RIN2: variants seen among roughly 807,000 people sequenced by gnomAD.
RIN2 encodes Ras and Rab interactor 2.
A neutral mutation model predicts 78.0 loss-of-function variants in RIN2; 36 were observed. That is an observed-to-expected ratio of 0.46 (90% confidence interval 0.35 to 0.61). The LOEUF is 0.61. RIN2 is among the 20% of genes least tolerant of loss of function. The probability of loss-of-function intolerance (pLI) is 0.00; values close to 1 mark genes in which losing one functional copy is unlikely to be tolerated. For synonymous variants in RIN2, 466 were observed against 466.8 expected (o/e 1.00, Z 0.02); for missense variants, 1,087 against 1,159.7 (o/e 0.94, Z 0.91).
intron 3 of RIN2, among the ~76,000 whole-genome samples, chr20:19,907,896 G>C (rs762315213): frequency 1.3e-5 from 2 of 152,216 alleles, no homozygotes; most frequent in Non-Finnish European, 2.9e-5. Flanking sequence ...TTCCTCATCT[G>C]TAAGGTGGGA....
At chr20:19,795,456 C>T (rs77940595) in intron 1 of RIN2, among the ~76,000 whole-genome samples, 2,781 of 152,142 alleles carry the variant, frequency 0.018, 85 homozygotes, top group East Asian at 0.12. Context: ...CCCTCAGGTC[C>T]TCAGAAAATT....
intron 1 of RIN2, among the ~76,000 whole-genome samples, chr20:19,789,324 T>C (rs2034812120): frequency 6.6e-6 from 1 of 152,170 alleles, no homozygotes; most frequent in Non-Finnish European, 1.5e-5. Context: ...CTAGAAAAAA[T>C]ACAAGAGAAA....
At chr20:19,887,052 G>T (rs1157854680) in intron 2 of RIN2, among the ~76,000 whole-genome samples, 1 of 151,590 alleles carries the variant, frequency 6.6e-6, no homozygotes, top group African/African-American at 2.4e-5. Context: ...TCGAGACAGA[G>T]TGTTACTCTG....
intron 1 of RIN2, among the ~76,000 whole-genome samples, chr20:19,760,240 G>A (rs553508793): frequency 1.3e-5 from 2 of 152,320 alleles, no homozygotes; most frequent in East Asian, 3.9e-4. Context: ...TTGGAACTTG[G>A]GAAGAAGGCT....
intron 2 of RIN2, among the ~76,000 whole-genome samples, chr20:19,840,076 T>C (rs1405040533): frequency 1.3e-5 from 2 of 151,966 alleles, no homozygotes; most frequent in Non-Finnish European, 2.9e-5. Flanking sequence ...TTTGATATTC[T>C]TCTTCCAGCT....
chr20:19,848,446 G>A (rs2123156435), intron 2 of RIN2, among the ~76,000 whole-genome samples: 1 of 147,610 alleles, frequency 6.8e-6, no homozygotes, highest in East Asian at 2.0e-4. Context: ...TGAGGCAGGA[G>A]AATCACTTGA....
chr20:19,940,263 G>T (rs886695530), intron 4 of RIN2, among the ~76,000 whole-genome samples: 2 of 152,200 alleles, frequency 1.3e-5, no homozygotes, highest in Admixed American at 1.3e-4. Context: ...CTGGCATAGA[G>T]CACGCACTCG....
intron 3 of RIN2, among the ~76,000 whole-genome samples, chr20:19,933,868 G>A (rs1479615071): frequency 6.6e-6 from 1 of 152,132 alleles, no homozygotes; most frequent in Non-Finnish European, 1.5e-5. Context: ...GAGTGCAGTG[G>A]CATGATCTTG....
At chr20:19,890,209 G>A (rs1327940508) in intron 3 of RIN2, among the ~76,000 whole-genome samples, 2 of 152,090 alleles carry the variant, frequency 1.3e-5, no homozygotes, top group African/African-American at 2.4e-5. Flanking sequence ...ACTCTTCTGT[G>A]TTCATATTGA....
chr20:19,876,957 C>T (rs6046397), intron 2 of RIN2, among the ~76,000 whole-genome samples: 1 of 151,764 alleles, frequency 6.6e-6, no homozygotes, highest in Non-Finnish European at 1.5e-5. Context: ...ACCAAGTGTA[C>T]TGGGGCATTC....
intron 2 of RIN2, among the ~76,000 whole-genome samples, chr20:19,857,102 A>T (rs1681918842): frequency 6.6e-6 from 1 of 152,118 alleles, no homozygotes; most frequent in South Asian, 2.1e-4. Flanking sequence ...ATTATCCCGG[A>T]TGGTTTCCTG....
At chr20:19,991,644 C>T (rs2042800963) in intron 10 of RIN2, among the ~76,000 whole-genome samples, 1 of 152,176 alleles carries the variant, frequency 6.6e-6, no homozygotes, top group African/African-American at 2.4e-5. Context: ...TTCCATTAAT[C>T]AATGTGTATA....
At chr20:19,833,258 C>T (rs2123016492) in intron 2 of RIN2, among the ~76,000 whole-genome samples, 1 of 148,990 alleles carries the variant, frequency 6.7e-6, no homozygotes, top group Admixed American at 6.8e-5. Flanking sequence ...AAACCTATAT[C>T]TATATATAGA....
chr20:19,965,409 A>C (rs452423), intron 7 of RIN2, among the ~76,000 whole-genome samples: 43,204 of 151,726 alleles, frequency 0.28, 6,877 homozygotes, highest in East Asian at 0.54. Context: ...CAGAAAGGGA[A>C]TGTGCATGCA....
intron 2 of RIN2, chr20:19,871,882 G>A (rs141321474): frequency 6.6e-6 from 1 of 152,180 alleles, no homozygotes; most frequent in African/African-American, 2.4e-5. Context: ...TTTAGGAATT[G>A]TGGACTCTTA....
intron 4 of RIN2, among the ~76,000 whole-genome samples, chr20:19,941,942 C>G (rs1195922217): frequency 6.6e-6 from 1 of 151,790 alleles, no homozygotes; most frequent in African/African-American, 2.4e-5. Context: ...GTGAAACCCC[C>G]TCTCTAGTAA....
chr20:19,985,621 C>T (rs1311392325), intron 9 of RIN2, among the ~76,000 whole-genome samples: 1 of 152,124 alleles, frequency 6.6e-6, no homozygotes, highest in Non-Finnish European at 1.5e-5. Context: ...CCTATAATCC[C>T]AGTGTTTTGG....
intron 1 of RIN2, among the ~76,000 whole-genome samples, chr20:19,759,125 G>C (rs1400761869): frequency 6.6e-6 from 1 of 152,184 alleles, no homozygotes. Context: ...CCCCTCGACC[G>C]CGCGGGGACA....
chr20:19,790,367 C>T (rs764558428), intron 1 of RIN2, among the ~76,000 whole-genome samples: 20 of 152,172 alleles, frequency 1.3e-4, no homozygotes, highest in Non-Finnish European at 2.5e-4. Context: ...TATTACTCCA[C>T]TTGGCTTTCA....
Sources: allele counts gnomAD v4.1 joint callset (sites outside exome capture counted in the v4.1 genomes callset), GRCh38; gene constraint gnomAD v4.1.1; transcripts MANE v1.5; gene names NCBI Gene and HGNC (gene_info 2026-07-23, HGNC 2026-07-21).